The following PTGER3 variants were observed in gnomAD, a reference collection of about 807,000 sequenced individuals.
The protein encoded by PTGER3 is prostaglandin E2 receptor EP3 subtype.
In PTGER3, 22 loss-of-function variants were observed where a neutral mutation model predicts 34.7. The ratio of observed to expected loss-of-function variants is 0.63; its 90% CI spans 0.45 to 0.91. The LOEUF (loss-of-function observed/expected upper bound fraction) is 0.91, where lower values mean the gene tolerates loss of function less well. PTGER3 is among the 40% of genes least tolerant of loss of function. The pLI is 0.00. For synonymous variants in PTGER3, 241 were observed against 230.1 expected (o/e 1.05, Z -0.43); for missense variants, 468 against 519.4 (o/e 0.90, Z 0.96).
intron 2 of PTGER3, among the ~76,000 whole-genome samples, chr1:71,000,619 C>T (rs181162544): frequency 6.6e-6 from 1 of 152,070 alleles, no homozygotes; most frequent in Admixed American, 6.6e-5. Context: ...ATAAAAGAGG[C>T]AAAAGGATGA....
At chr1:70,888,474 G>T (rs1646545101) in intron 4 of PTGER3, among the ~76,000 whole-genome samples, 2 of 152,020 alleles carry the variant, frequency 1.3e-5, no homozygotes, top group South Asian at 4.1e-4. Flanking sequence ...GCAAATTAAT[G>T]TATCTATCAT....
chr1:70,947,185 A>C (rs1650298940), intron 4 of PTGER3, among the ~76,000 whole-genome samples: 1 of 152,294 alleles, frequency 6.6e-6, no homozygotes, highest in East Asian at 1.9e-4. Context: ...CACCATGCTT[A>C]AGCTAAAGTA....
At chr1:70,879,545 G>C (rs1646343922) in intron 4 of PTGER3, among the ~76,000 whole-genome samples, 1 of 152,102 alleles carries the variant, frequency 6.6e-6, no homozygotes, top group Non-Finnish European at 1.5e-5. Context: ...ACAACGTCTA[G>C]CCTCCCTCTT....
At chr1:70,978,314 C>T (rs1043908401) in intron 2 of PTGER3, among the ~76,000 whole-genome samples, 3 of 152,100 alleles carry the variant, frequency 2.0e-5, no homozygotes, top group Non-Finnish European at 4.4e-5. Flanking sequence ...TTACAAACCT[C>T]CCCCCACTTT....
chr1:70,938,843 A>G (rs914878507), intron 4 of PTGER3, among the ~76,000 whole-genome samples: 3 of 152,188 alleles, frequency 2.0e-5, no homozygotes, highest in African/African-American at 7.2e-5. Flanking sequence ...ATACAAGTCT[A>G]GATTTGGGTA....
chr1:71,009,444 T>G, intron 2 of PTGER3: 3 of 982,028 alleles, frequency 3.1e-6, no homozygotes, highest in Non-Finnish European at 3.6e-6. Context: ...TTGGTAAATA[T>G]TGAGATAACT....
In PTGER3 at chr1:71,047,357, G is replaced by A; in HGVS notation, c.221C>T (p.Ser74Leu). The A allele has an allele frequency of 6.2e-7, 1 of 1,609,828 alleles. No homozygotes were observed. Among genetic ancestry groups the A allele is most frequent in the Non-Finnish European group, 8.5e-7 (1 of 1,178,816 alleles). Reference sequence around the variant, plus strand: ...GCTCTCCCGGCGCCGGTAGCTGCGCGACACGAGCAGCATGGCCAGTGCGTT... The same window carrying A: ...GCTCTCCCGGCGCCGGTAGCTGCGCAACACGAGCAGCATGGCCAGTGCGTT... The part of the protein sequence containing the change: ...VGNALAMLLV[S>L]RSYRRRESKR... The change falls in exon 1 of 4, where the codon TCG becomes TTG. Residue 74 changes from serine to leucine, a missense_variant. Coordinates refer to ENST00000306666, the MANE Select transcript of PTGER3 (RefSeq NM_198719.2).
chr1:70,854,022 A>G (rs1645744084), intron 4 of PTGER3, among the ~76,000 whole-genome samples: 1 of 152,220 alleles, frequency 6.6e-6, no homozygotes, highest in African/African-American at 2.4e-5. Context: ...ATAAAACTAT[A>G]AGAAGAACAC....
intron 1 of PTGER3, among the ~76,000 whole-genome samples, chr1:71,046,123 TAAA>T (rs796109404): frequency 7.1e-6 from 1 of 140,942 alleles, no homozygotes; most frequent in Non-Finnish European, 1.6e-5. Flanking sequence ...CTACTAAAAA[TAAA>T]AAAAAAAAAT....
rs750659933 is a variant in PTGER3 at position 71,046,870 on chromosome 1, G to T, written c.708C>A (p.Phe236Leu). 2.5e-6 allele frequency: 4 copies of T among 1,613,964 alleles called. No homozygotes were observed. In the South Asian group the frequency reaches 4.4e-5, roughly 18 times the overall value. The change falls in exon 1 of 4, where the codon TTC becomes TTA. Residue 236 changes from phenylalanine to leucine, a missense_variant. By Grantham distance (22) the Phe-to-Leu change is conservative (BLOSUM62 0). Coordinates refer to ENST00000306666, the MANE Select transcript of PTGER3 (RefSeq NM_198719.2). ...TGACTGTCAGCGCCAAGAGCCCCAG[G>T]AAGGCAAAGGCAGAGGCGAAGAAAA... Reference protein sequence around the residue: ...GNLFFASAFAFLGLLALTVTF... With the variant: ...GNLFFASAFALLGLLALTVTF...
At chr1:70,993,530 C>T (rs1167506738) in intron 2 of PTGER3, among the ~76,000 whole-genome samples, 1 of 152,118 alleles carries the variant, frequency 6.6e-6, no homozygotes, top group Non-Finnish European at 1.5e-5. Context: ...TTTGCAGCAG[C>T]CCATTAACAA....
At chr1:70,925,737 C>A (rs2100466229) in intron 4 of PTGER3, among the ~76,000 whole-genome samples, 1 of 152,024 alleles carries the variant, frequency 6.6e-6, no homozygotes, top group Admixed American at 6.6e-5. Context: ...TGAAATTTAT[C>A]TTAAGTGGGG....
intron 4 of PTGER3, among the ~76,000 whole-genome samples, chr1:70,901,730 C>T (rs1326894532): frequency 6.6e-6 from 1 of 152,150 alleles, no homozygotes; most frequent in Admixed American, 6.5e-5. Flanking sequence ...ATGAAGGCAA[C>T]TGTGTACCTA....
chr1:70,866,316 A>G (rs1009125196), intron 4 of PTGER3, among the ~76,000 whole-genome samples: 1 of 152,164 alleles, frequency 6.6e-6, no homozygotes, highest in African/African-American at 2.4e-5. Flanking sequence ...ACTTACTTTC[A>G]GTTTTCCAAA....
chr1:70,896,931 A>G (rs1343538801), intron 4 of PTGER3, among the ~76,000 whole-genome samples: 1 of 152,118 alleles, frequency 6.6e-6, no homozygotes, highest in Admixed American at 6.6e-5. Flanking sequence ...CGGACGCTGG[A>G]TTTCTTTCCC....
At chr1:71,031,224 C>T (rs1346955051) in intron 1 of PTGER3, among the ~76,000 whole-genome samples, 2 of 149,010 alleles carry the variant, frequency 1.3e-5, no homozygotes, top group Non-Finnish European at 3.0e-5. Flanking sequence ...CCCCAATTTC[C>T]CAACAGATAG....
intron 2 of PTGER3, among the ~76,000 whole-genome samples, chr1:70,992,665 A>G (rs11209730): frequency 0.23 from 35,665 of 152,120 alleles, 4,366 homozygotes; most frequent in Middle Eastern, 0.28. Flanking sequence ...GAAACAGCCT[A>G]GTGTTACAGA....
intron 2 of PTGER3, among the ~76,000 whole-genome samples, chr1:70,977,146 A>T (rs1263399158): frequency 6.6e-6 from 1 of 152,062 alleles, no homozygotes; most frequent in Non-Finnish European, 1.5e-5. Flanking sequence ...TTCCAATTTG[A>T]ATTTAACTCT....
chr1:71,032,287 C>G (rs1015529080), intron 1 of PTGER3, among the ~76,000 whole-genome samples: 1 of 152,114 alleles, frequency 6.6e-6, no homozygotes, highest in Non-Finnish European at 1.5e-5. Flanking sequence ...CTGGAAAATT[C>G]TCTGAGCCTG....
Sources: allele counts gnomAD v4.1 joint callset (sites outside exome capture counted in the v4.1 genomes callset), GRCh38; gene constraint gnomAD v4.1.1; transcripts MANE v1.5; gene names NCBI Gene and HGNC (gene_info 2026-07-23, HGNC 2026-07-21).